TRA2A: variants seen among roughly 807,000 people sequenced by gnomAD.
The protein encoded by TRA2A is transformer-2 protein homolog alpha.
TRA2A carries 31 observed loss-of-function variants against 45.7 expected under a neutral mutation model. The ratio of observed to expected loss-of-function variants is 0.68; its 90% confidence interval spans 0.51 to 0.92. The LOEUF (loss-of-function observed/expected upper bound fraction) is 0.92, where lower values mean the gene tolerates loss of function less well. TRA2A is among the 40% of genes least tolerant of loss of function. The pLI is 0.00. For synonymous variants in TRA2A, 132 were observed against 126.2 expected, an observed-to-expected ratio of 1.05 and a Z score of -0.31; for missense variants, 304 against 367.5, an observed-to-expected ratio of 0.83 and a Z score of 1.41.
chr7:23,531,090 G>C, intron 1 of TRA2A: 2 of 293,520 alleles, frequency 6.8e-6, no homozygotes, highest in Non-Finnish European at 1.0e-5. Flanking sequence ...GAAAGTCGAA[G>C]GGACATTAAG....
At chr7:23,531,535 C>T in intron 1 of TRA2A, 2 of 570,804 alleles carry the variant, frequency 3.5e-6, no homozygotes, top group Non-Finnish European at 6.2e-6. Context: ...GGAAGCAATG[C>T]GGGGGCGGGG....
At chr7:23,531,755 G>C in intron 1 of TRA2A, 34 bp downstream of exon 1, 3 of 1,611,572 alleles carry the variant, frequency 1.9e-6, no homozygotes, top group Non-Finnish European at 2.5e-6. Context: ...GCATTGGGCC[G>C]CCGCCTAGAC....
chr7:23,515,329 AC>A (rs1267104548), intron 3 of TRA2A, among the ~76,000 whole-genome samples: 1 of 141,102 alleles, frequency 7.1e-6, no homozygotes, highest in Non-Finnish European at 1.5e-5. Context: ...TCCCGGGTTC[AC>A]ACCATTCTCC....
intron 4 of TRA2A, among the ~76,000 whole-genome samples, chr7:23,512,308 G>C (rs1180575275): frequency 6.6e-6 from 1 of 152,180 alleles, no homozygotes; most frequent in Non-Finnish European, 1.5e-5. Flanking sequence ...GGGCAACATA[G>C]TGAGACCTCA....
intron 3 of TRA2A, among the ~76,000 whole-genome samples, chr7:23,514,734 T>C (rs1387156922): frequency 6.6e-6 from 1 of 152,182 alleles, no homozygotes; most frequent in Non-Finnish European, 1.5e-5. Context: ...TAGTCGGGAT[T>C]ACAAGCGTGA....
At chr7:23,528,933 A>G (rs184109862) in intron 1 of TRA2A, among the ~76,000 whole-genome samples, 1 of 152,326 alleles carries the variant, frequency 6.6e-6, no homozygotes, top group African/African-American at 2.4e-5. Flanking sequence ...AACTGTAGAA[A>G]ACATAAATAA....
chr7:23,519,286 C>T (rs947441381), intron 2 of TRA2A, among the ~76,000 whole-genome samples: 2 of 151,890 alleles, frequency 1.3e-5, no homozygotes, highest in East Asian at 1.9e-4. Flanking sequence ...CCCAGCTACT[C>T]GGGAGGCTGA....
At chr7:23,507,990 G>A (rs1433359324) in intron 4 of TRA2A, among the ~76,000 whole-genome samples, 2 of 152,122 alleles carry the variant, frequency 1.3e-5, no homozygotes, top group African/African-American at 4.8e-5. Flanking sequence ...CACTTACAAA[G>A]ACTGACTTCA....
chr7:23,505,800 A>G lies in TRA2A; in HGVS notation c.784T>C (p.Ser262Pro). Residue 262 changes from serine to proline, a missense_variant, in exon 7 of 8, where the codon TCT becomes CCT. Physicochemically the swap from Ser to Pro is moderately conservative, Grantham distance 74 (BLOSUM62 -1). This residue lies in a region of TRA2A where 42 missense variants were observed against 37.0 expected (regional missense o/e 1.14). Coordinates refer to ENST00000297071, the MANE Select transcript of TRA2A (RefSeq NM_013293.5). ...YDYRYRRRSP[S>P]PYYSRYRSRS... ...GATCTATATCGACTATAATAAGGAG[A>G]AGGTGATCGTCTTCTGTAAGAAATG... 6.4e-7 allele frequency: 1 copy of G among 1,551,768 alleles called. No homozygotes were observed. The highest frequency in any genetic ancestry group is 1.2e-5 in the South Asian group (1 of 80,056).
At chr7:23,505,632 C>A (rs942574759) in intron 7 of TRA2A, 63 bp from the exon 8 acceptor site, 3 of 561,988 alleles carry the variant, frequency 5.3e-6, no homozygotes, top group Non-Finnish European at 9.5e-6. Context: ...GTTTAATTTG[C>A]CTCATATTTT....
At chr7:23,517,947 T>C (rs1424397593) in intron 2 of TRA2A, among the ~76,000 whole-genome samples, 3 of 151,706 alleles carry the variant, frequency 2.0e-5, no homozygotes, top group Non-Finnish European at 4.4e-5. Context: ...CTTTTTGATT[T>C]TCTGCTACTT....
intron 5 of TRA2A, among the ~76,000 whole-genome samples, chr7:23,506,844 C>T (rs528962407): frequency 1.3e-5 from 2 of 152,264 alleles, no homozygotes; most frequent in East Asian, 1.9e-4. Context: ...GGTGCGATCT[C>T]GGCTCACTGC....
At chr7:23,510,595 T>G (rs964125215) in intron 4 of TRA2A, among the ~76,000 whole-genome samples, 2 of 152,178 alleles carry the variant, frequency 1.3e-5, no homozygotes, top group South Asian at 4.1e-4. Flanking sequence ...CCCGAAGTGC[T>G]GGGATTACAA....
intron 2 of TRA2A, among the ~76,000 whole-genome samples, chr7:23,518,999 T>A (rs192438023): frequency 9.8e-5 from 15 of 152,310 alleles, no homozygotes; most frequent in African/African-American, 3.6e-4. Flanking sequence ...AAGCCTTTAC[T>A]TATTGATGCT....
At chr7:23,506,308 A>G in intron 5 of TRA2A, 42 bp from the exon 6 acceptor site, 2 of 1,537,258 alleles carry the variant, frequency 1.3e-6, no homozygotes, top group South Asian at 1.2e-5. Context: ...GTGAATGACT[A>G]TTTTCCAGGA....
At chr7:23,516,602 T>C (rs919561243) in intron 2 of TRA2A, 74 bp from the exon 3 acceptor site, 8 of 1,347,306 alleles carry the variant, frequency 5.9e-6, no homozygotes, top group Middle Eastern at 1.8e-4. Flanking sequence ...CAAGAAGGTA[T>C]ACATATATCC....
intron 2 of TRA2A, among the ~76,000 whole-genome samples, chr7:23,521,473 C>A (rs1055220510): frequency 1.3e-5 from 2 of 152,176 alleles, no homozygotes; most frequent in African/African-American, 4.8e-5. Flanking sequence ...GATAGGGTCT[C>A]CCTGGCACCC....
intron 4 of TRA2A, 22 bp downstream of exon 4, chr7:23,512,872 G>T: frequency 2.6e-6 from 4 of 1,566,866 alleles, no homozygotes; most frequent in Non-Finnish European, 3.5e-6. Context: ...ACTATAATCA[G>T]GCATATAAAA....
intron 4 of TRA2A, among the ~76,000 whole-genome samples, chr7:23,511,715 C>A (rs1009801838): frequency 6.6e-6 from 1 of 152,008 alleles, no homozygotes; most frequent in Non-Finnish European, 1.5e-5. Context: ...CAGCAAGACT[C>A]CCTGCAAAAA....
Sources: allele counts gnomAD v4.1 joint callset (sites outside exome capture counted in the v4.1 genomes callset), GRCh38; gene constraint gnomAD v4.1.1; regional missense constraint gnomAD v4.1.1; transcripts MANE v1.5; gene names NCBI Gene and HGNC (gene_info 2026-07-23, HGNC 2026-07-21).